Variants in LHFPL3 observed in about 807,000 individuals in gnomAD.
LHFPL3 encodes the protein LHFPL tetraspan subfamily member 3.
A neutral mutation model predicts 19.3 loss-of-function variants in LHFPL3; 5 were observed. The observed-to-expected ratio is 0.26, with a 90% CI of 0.14 to 0.54. LHFPL3 has a LOEUF of 0.54. Among genes scored for constraint, LHFPL3 ranks in the 20% least tolerant of loss-of-function variants. The pLI, the probability that LHFPL3 is intolerant of heterozygous loss-of-function variation, is 0.94. For synonymous variants in LHFPL3, 133 were observed against 126.2 expected, an observed-to-expected ratio of 1.05 and a Z score of -0.36; for missense variants, 249 against 307.4, an observed-to-expected ratio of 0.81 and a Z score of 1.42.
chr7:104,737,775 T>G (rs57698969), intron 2 of LHFPL3, among the ~76,000 whole-genome samples: 1 of 152,226 alleles, frequency 6.6e-6, no homozygotes, highest in Non-Finnish European at 1.5e-5. Context: ...CACCTTTAGC[T>G]GAGTGGCTCC....
rs185411352 is a variant in LHFPL3 at position 104,490,629 on chromosome 7, A to G, written c.445+161405A>G. Among the ~76,000 whole-genome samples the G allele has an allele frequency of 5.3e-5, 8 of 152,302 alleles. No individual in the cohort carries two copies. The East Asian group carries it at 1.5e-3, about 29-fold the overall frequency. ...CCATTGGGTATACAGAGAACCACAAAAGGGCCCACAGATCTAAAGCGACGG... is the reference window on the plus strand; with the variant it reads ...CCATTGGGTATACAGAGAACCACAAGAGGGCCCACAGATCTAAAGCGACGG... On this transcript the variant is annotated intron_variant, in intron 1 of 2. Transcript: ENST00000424859.
intron 1 of LHFPL3, among the ~76,000 whole-genome samples, chr7:104,645,664 T>TTC (rs935064389): frequency 1.7e-4 from 23 of 131,626 alleles, no homozygotes; most frequent in Non-Finnish European, 8.1e-5. Flanking sequence ...CTTTTTTTTT[T>TTC]TTTTTTTTTT....
chr7:104,505,671 A>T (rs572640572), intron 1 of LHFPL3, among the ~76,000 whole-genome samples: 60 of 152,346 alleles, frequency 3.9e-4, no homozygotes, highest in African/African-American at 1.3e-3. Flanking sequence ...GAAAAAAGAT[A>T]AGCACAAAGT....
chr7:104,670,777 T>G (rs1314913664), intron 1 of LHFPL3, among the ~76,000 whole-genome samples: 1 of 152,068 alleles, frequency 6.6e-6, no homozygotes, highest in Non-Finnish European at 1.5e-5. Flanking sequence ...CTTGATGGGT[T>G]TTTTTCCCCC....
intron 1 of LHFPL3, among the ~76,000 whole-genome samples, chr7:104,464,017 A>G (rs368152697): frequency 7.2e-5 from 11 of 152,334 alleles, no homozygotes; most frequent in African/African-American, 2.6e-4. Flanking sequence ...ATGAGCCTGT[A>G]AAATCAAAAA....
chr7:104,365,422 G>A (rs1210649919), intron 1 of LHFPL3, among the ~76,000 whole-genome samples: 2 of 151,130 alleles, frequency 1.3e-5, no homozygotes, highest in Non-Finnish European at 2.9e-5. Context: ...GATGAGTGGA[G>A]ATCCTGTGAT....
intron 1 of LHFPL3, among the ~76,000 whole-genome samples, chr7:104,451,167 T>C (rs1459085787): frequency 6.6e-6 from 1 of 152,184 alleles, no homozygotes; most frequent in African/African-American, 2.4e-5. Context: ...AGTGATATAA[T>C]AGGCATGCAA....
chr7:104,640,176 T>C (rs532748043), intron 1 of LHFPL3, among the ~76,000 whole-genome samples: 1 of 152,330 alleles, frequency 6.6e-6, no homozygotes, highest in East Asian at 1.9e-4. Context: ...TACATAGTTA[T>C]ACATGTGCCA....
At chr7:104,637,616 A>G (rs998052579) in intron 1 of LHFPL3, among the ~76,000 whole-genome samples, 2 of 152,188 alleles carry the variant, frequency 1.3e-5, no homozygotes, top group African/African-American at 4.8e-5. Flanking sequence ...CAGTTATCCC[A>G]GCACCACTTA....
chr7:104,721,721 G>A (rs1169554818), intron 1 of LHFPL3, among the ~76,000 whole-genome samples: 1 of 152,168 alleles, frequency 6.6e-6, no homozygotes, highest in East Asian at 1.9e-4. Flanking sequence ...GGAATGAGAA[G>A]TGGAATAAGG....
intron 1 of LHFPL3, among the ~76,000 whole-genome samples, chr7:104,447,927 A>G (rs192036020): frequency 1.7e-4 from 26 of 152,268 alleles, no homozygotes; most frequent in Non-Finnish European, 7.4e-5. Flanking sequence ...AAAAATTGCG[A>G]TTTTTGTGGG....
chr7:104,623,514 C>G (rs1483246719), intron 1 of LHFPL3, among the ~76,000 whole-genome samples: 2 of 116,180 alleles, frequency 1.7e-5, no homozygotes, highest in East Asian at 2.4e-4. Flanking sequence ...CCTGTAGTCC[C>G]AGCTACTTGG....
At chr7:104,468,944 C>T (rs1792850372) in intron 1 of LHFPL3, among the ~76,000 whole-genome samples, 1 of 152,154 alleles carries the variant, frequency 6.6e-6, no homozygotes. Context: ...CAGGTGTGAG[C>T]CACAATGCAC....
intron 1 of LHFPL3, among the ~76,000 whole-genome samples, chr7:104,615,540 A>T (rs992011590): frequency 5.3e-5 from 8 of 152,218 alleles, no homozygotes; most frequent in Non-Finnish European, 1.2e-4. Context: ...ATTTTTTATT[A>T]CACTTTAAGT....
chr7:104,849,307 C>T (rs1008023809), intron 2 of LHFPL3, among the ~76,000 whole-genome samples: 2 of 152,204 alleles, frequency 1.3e-5, no homozygotes, highest in African/African-American at 2.4e-5. Context: ...TTTGGCCAGG[C>T]CTTCATGTCT....
chr7:104,633,460 A>T (rs1054049791), intron 1 of LHFPL3, among the ~76,000 whole-genome samples: 1 of 152,208 alleles, frequency 6.6e-6, no homozygotes, highest in African/African-American at 2.4e-5. Flanking sequence ...TTCCCATAGG[A>T]TGATGACTCT....
intron 1 of LHFPL3, among the ~76,000 whole-genome samples, chr7:104,392,983 C>G (rs1791108477): frequency 6.6e-6 from 1 of 152,148 alleles, no homozygotes; most frequent in East Asian, 1.9e-4. Context: ...GTAGAAGTAA[C>G]AACCCAATTT....
At chr7:104,564,585 A>C (rs1790082554) in intron 1 of LHFPL3, among the ~76,000 whole-genome samples, 2 of 152,348 alleles carry the variant, frequency 1.3e-5, no homozygotes, top group South Asian at 4.1e-4. Context: ...AAAGAAAGTA[A>C]ACAGGCAGAT....
chr7:104,679,449 G>A (rs1348180530), intron 1 of LHFPL3, among the ~76,000 whole-genome samples: 1 of 152,238 alleles, frequency 6.6e-6, no homozygotes, highest in African/African-American at 2.4e-5. Flanking sequence ...GAGGTAGGGA[G>A]TTAGGCTCTG....
Sources: allele counts gnomAD v4.1 joint callset (sites outside exome capture counted in the v4.1 genomes callset), GRCh38; gene constraint gnomAD v4.1.1; transcripts MANE v1.5; gene names NCBI Gene and HGNC (gene_info 2026-07-23, HGNC 2026-07-21).